The following SH3PXD2B variants were observed in gnomAD, a reference collection of about 807,000 sequenced individuals.
SH3PXD2B encodes SH3 and PX domain-containing protein 2B.
A neutral mutation model predicts 73.1 loss-of-function variants in SH3PXD2B; 37 were observed. That is an observed-to-expected ratio of 0.51 (90% confidence interval 0.39 to 0.67). The LOEUF (loss-of-function observed/expected upper bound fraction) is 0.67. Among genes scored for constraint, SH3PXD2B ranks in the 30% least tolerant of loss-of-function variants. SH3PXD2B has a pLI of 0.00. For synonymous variants in SH3PXD2B, 457 were observed against 480.5 expected, an observed-to-expected ratio of 0.95 and a Z score of 0.64; for missense variants, 1,053 against 1,197.8, an observed-to-expected ratio of 0.88 and a Z score of 1.78.
At position 172,355,068 on chromosome 5, in the gene SH3PXD2B, A is replaced by C. The variant is rs1046569749; in HGVS notation, c.668-1063T>G. On this transcript the variant is annotated intron_variant, in intron 8 of 12. Transcript: ENST00000311601. ...ATGTGTGTCTCAAGGGAGCCCAGCA[A>C]GGAGAGGAGAGGGCTCTCCTGTTTT... Among the ~76,000 whole-genome samples, 4 of 152,358 alleles carry C rather than the reference A, an allele frequency of 2.6e-5. No individual in the cohort carries two copies. In the East Asian group the frequency reaches 7.7e-4, roughly 29 times the overall value.
intron 4 of SH3PXD2B, among the ~76,000 whole-genome samples, chr5:172,393,948 GA>G (rs1408753905): frequency 8.2e-6 from 1 of 122,010 alleles, no homozygotes; most frequent in Non-Finnish European, 1.6e-5. Context: ...GGCTTAAGAG[GA>G]TTTTTTTTTT....
chr5:172,390,527 G>T (rs906576410), intron 4 of SH3PXD2B, among the ~76,000 whole-genome samples: 1 of 152,118 alleles, frequency 6.6e-6, no homozygotes, highest in Non-Finnish European at 1.5e-5. Flanking sequence ...GGGAGTGCAG[G>T]CTCAAGCCAC....
chr5:172,335,908 T>C lies in SH3PXD2B; in HGVS notation c.*2461A>G, dbSNP rs79659103. Reference sequence around the variant, plus strand: ...CTGTGGCTTCAGTACCCGCGGGTCATGTCAGAATAATCATCATCATCATAG... The same window carrying C: ...CTGTGGCTTCAGTACCCGCGGGTCACGTCAGAATAATCATCATCATCATAG... On this transcript the variant is annotated 3_prime_UTR_variant, in exon 13 of 13. Coordinates refer to ENST00000311601, the MANE Select transcript of SH3PXD2B (RefSeq NM_001017995.3). 5 of 1,203,394 alleles carry C rather than the reference T, an allele frequency of 4.2e-6. No individual in the cohort carries two copies. Among genetic ancestry groups the C allele is most frequent in the Non-Finnish European group, 5.2e-6 (5 of 970,596 alleles). The allele number at this position is 1,203,394 out of a possible 1,614,324, so 74.5% of individuals were successfully genotyped here. A position where few individuals can be genotyped will look rare whatever the true frequency, so the allele number is the denominator to read the frequency against.
intron 1 of SH3PXD2B, among the ~76,000 whole-genome samples, chr5:172,423,682 A>G (rs1408975426): frequency 1.3e-5 from 2 of 151,926 alleles, no homozygotes; most frequent in East Asian, 1.9e-4. Flanking sequence ...GAGGGAGTCT[A>G]GCTCTGTCAC....
intron 12 of SH3PXD2B, among the ~76,000 whole-genome samples, chr5:172,328,131 T>C (rs1756480969): frequency 1.3e-5 from 2 of 150,838 alleles, no homozygotes; most frequent in South Asian, 4.2e-4. Context: ...TTTTTTTTTT[T>C]TTTTTGAGAT....
chr5:172,427,722 T>C (rs1759130745), intron 1 of SH3PXD2B, among the ~76,000 whole-genome samples: 1 of 151,702 alleles, frequency 6.6e-6, no homozygotes, highest in African/African-American at 2.4e-5. Flanking sequence ...TGGATGGTGG[T>C]GATGGTTGCT....
chr5:172,452,551 G>A (rs1196140763), intron 1 of SH3PXD2B, among the ~76,000 whole-genome samples: 1 of 152,140 alleles, frequency 6.6e-6, no homozygotes, highest in Non-Finnish European at 1.5e-5. Context: ...TCACTTTGCT[G>A]AGCCCTGGTT....
intron 8 of SH3PXD2B, among the ~76,000 whole-genome samples, chr5:172,357,807 A>G (rs1757315072): frequency 1.3e-5 from 2 of 152,116 alleles, no homozygotes; most frequent in Non-Finnish European, 1.5e-5. Flanking sequence ...CCATATGTCA[A>G]TGCTTTGCTA....
intron 2 of SH3PXD2B, among the ~76,000 whole-genome samples, chr5:172,419,208 G>C (rs1451436647): frequency 6.6e-6 from 1 of 152,152 alleles, no homozygotes; most frequent in African/African-American, 2.4e-5. Context: ...TAAGCCTTAG[G>C]CTGCGCTGGA....
Position 172,333,578 on chromosome 5 carries a change from T to C in SH3PXD2B, c.*4791A>G, listed in dbSNP as rs1439200347. 1.1e-5 allele frequency: 14 copies of C among 1,243,642 alleles called. No individual in the cohort carries two copies. The highest frequency in any genetic ancestry group is 1.4e-5 in the Non-Finnish European group (14 of 973,150). 77.0% of individuals were successfully genotyped at this position (1,243,642 alleles called of 1,614,324 possible). ...AGGAAAGAAGTCAAATGGTAAAGTATATAGCCTACACATGCTACAGCTAGT... is the reference window on the plus strand; with the variant it reads ...AGGAAAGAAGTCAAATGGTAAAGTACATAGCCTACACATGCTACAGCTAGT... On this transcript the variant is annotated 3_prime_UTR_variant, in exon 13 of 13. Coordinates refer to ENST00000311601, the MANE Select transcript of SH3PXD2B (RefSeq NM_001017995.3).
intron 1 of SH3PXD2B, among the ~76,000 whole-genome samples, chr5:172,433,218 T>A (rs1368052673): frequency 6.6e-6 from 1 of 152,166 alleles, no homozygotes; most frequent in African/African-American, 2.4e-5. Flanking sequence ...CCGTGAGCTA[T>A]ACCACAGAGC....
chr5:172,444,296 T>A (rs1441664525), intron 1 of SH3PXD2B, among the ~76,000 whole-genome samples: 1 of 152,210 alleles, frequency 6.6e-6, no homozygotes, highest in Non-Finnish European at 1.5e-5. Context: ...ACTCCCTGGA[T>A]GGCTCCAGCT....
chr5:172,360,295 C>A (rs2113315332), intron 7 of SH3PXD2B, among the ~76,000 whole-genome samples: 1 of 152,306 alleles, frequency 6.6e-6, no homozygotes, highest in Middle Eastern at 3.4e-3. Context: ...CTTGCTAGAT[C>A]CTCACCACAG....
rs552297069 is a variant in SH3PXD2B, at chr5:172,339,217, T to G, written c.1888A>C (p.Thr630Pro). ...TDLPEEKPDA[T>P]PQNPFLKSRP... ...GACTTCAAGAAGGGATTCTGGGGAG[T>G]GGCATCTGGCTTCTCCTCTGGCAGG... Residue 630 changes from threonine to proline, a missense_variant, in exon 13 of 13, where the codon ACT (threonine) becomes CCT (proline). Physicochemically the swap from Thr to Pro is conservative, Grantham distance 38. Coordinates refer to ENST00000311601, the MANE Select transcript of SH3PXD2B (RefSeq NM_001017995.3). This position sits in a 1 kb window ranked among gnomAD's most constrained non-coding sequence, Gnocchi z 6.1. 8 of 1,614,124 alleles carry G rather than the reference T, an allele frequency of 5.0e-6. No homozygotes were observed. In the South Asian group the frequency reaches 8.8e-5, roughly 18 times the overall value.
chr5:172,399,433 T>C (rs1758380091), intron 3 of SH3PXD2B, among the ~76,000 whole-genome samples: 1 of 152,216 alleles, frequency 6.6e-6, no homozygotes, highest in South Asian at 2.1e-4. Context: ...TTGTCTCTTA[T>C]TCTACTTAAC....
At chr5:172,379,030 A>G (rs1464112023) in intron 5 of SH3PXD2B, among the ~76,000 whole-genome samples, 1 of 145,738 alleles carries the variant, frequency 6.9e-6, no homozygotes, top group Non-Finnish European at 1.5e-5. Flanking sequence ...AGATCGCGCC[A>G]CTGCACTCCA....
At chr5:172,438,078 G>A (rs934552701) in intron 1 of SH3PXD2B, among the ~76,000 whole-genome samples, 2 of 152,196 alleles carry the variant, frequency 1.3e-5, no homozygotes, top group African/African-American at 4.8e-5. Context: ...AGGGGCCTGT[G>A]CAGTCTGCCC....
chr5:172,390,815 T>TG (rs1758168687), intron 4 of SH3PXD2B, among the ~76,000 whole-genome samples: 66 of 140,002 alleles, frequency 4.7e-4, no homozygotes, highest in African/African-American at 1.4e-3. Context: ...TTCCCGTCTT[T>TG]TGTGTGTGTG....
At chr5:172,389,709 A>G (rs193057171) in intron 4 of SH3PXD2B, among the ~76,000 whole-genome samples, 77 of 152,260 alleles carry the variant, frequency 5.1e-4, no homozygotes, top group Admixed American at 2.4e-3. Context: ...TGGGAGATAG[A>G]GCAAGACCTT....
Sources: gnomAD v4.1 joint callset for allele counts (sites outside exome capture counted in the v4.1 genomes callset) on GRCh38, gnomAD v4.1.1 for gene constraint, Gnocchi (gnomAD v3.1) non-coding constraint, MANE v1.5 for transcripts, NCBI Gene and HGNC (gene_info 2026-07-23, HGNC 2026-07-21) for gene names.